The following PTPRQ variants were observed in gnomAD, a reference collection of about 807,000 sequenced individuals.
The protein encoded by PTPRQ is phosphatidylinositol phosphatase PTPRQ.
A neutral mutation model predicts 246.0 loss-of-function variants in PTPRQ; 199 were observed. The ratio of observed to expected loss-of-function variants is 0.81; its 90% CI spans 0.72 to 0.91. PTPRQ has a LOEUF of 0.91. Ranked by LOEUF, PTPRQ falls within the 40% of genes least tolerant of loss-of-function variation. The pLI, the probability that PTPRQ is intolerant of heterozygous loss-of-function variation, is 0.00. For synonymous variants in PTPRQ, 869 were observed against 853.2 expected, an observed-to-expected ratio of 1.02 and a Z score of -0.32; for missense variants, 2,624 against 2,528.4, an observed-to-expected ratio of 1.04 and a Z score of -0.81.
At chr12:80,673,368 G>A in intron 43 of PTPRQ, 64 bp downstream of exon 43, 1 of 1,511,450 alleles carries the variant, frequency 6.6e-7, no homozygotes, top group Non-Finnish European at 8.9e-7. Context: ...AGATCTTAGT[G>A]GCAGCAATCT....
At chr12:80,600,079 G>A (rs963537567) in intron 26 of PTPRQ, among the ~76,000 whole-genome samples, 57 of 151,774 alleles carry the variant, frequency 3.8e-4, no homozygotes, top group African/African-American at 1.3e-3. Context: ...TTTAAAAAAT[G>A]AAGAAAGAAG....
intron 26 of PTPRQ, among the ~76,000 whole-genome samples, chr12:80,597,686 T>A (rs1158027739): frequency 5.3e-5 from 8 of 151,946 alleles, no homozygotes; most frequent in African/African-American, 1.9e-4. Context: ...AAATGGCATG[T>A]CGACGTTATA....
chr12:80,527,570 A>G (rs1465326476), intron 17 of PTPRQ, among the ~76,000 whole-genome samples: 1 of 152,154 alleles, frequency 6.6e-6, no homozygotes, highest in Non-Finnish European at 1.5e-5. Context: ...TTAAAAATTT[A>G]CAAAAGAGAA....
At chr12:80,661,761 A>T (rs1330127900) in intron 39 of PTPRQ, among the ~76,000 whole-genome samples, 1 of 151,826 alleles carries the variant, frequency 6.6e-6, no homozygotes, top group Non-Finnish European at 1.5e-5. Flanking sequence ...CCTGTATAAT[A>T]TGGATAAACT....
chr12:80,505,876 A>T, intron 14 of PTPRQ, 148 bp from the exon 15 acceptor site: 1 of 949,816 alleles, frequency 1.1e-6, no homozygotes, highest in Non-Finnish European at 1.5e-6. Flanking sequence ...TAATTTATTT[A>T]TACTTTACTT....
intron 38 of PTPRQ, among the ~76,000 whole-genome samples, chr12:80,653,806 GA>G (rs1488557974): frequency 6.6e-6 from 1 of 152,090 alleles, no homozygotes; most frequent in Non-Finnish European, 1.5e-5. Context: ...GTTCACGAAG[GA>G]AACAAATGTA....
intron 39 of PTPRQ, among the ~76,000 whole-genome samples, chr12:80,665,658 T>C (rs944941783): frequency 6.6e-6 from 1 of 151,904 alleles, no homozygotes; most frequent in Non-Finnish European, 1.5e-5. Flanking sequence ...ACAGAATGAA[T>C]AGACAATCTG....
Position 80,649,645 on chromosome 12 carries a change from C to A in PTPRQ, c.6000C>A (p.Asn2000Lys). ...TTGAAGAGCTTTGCACAAACAACAACCTAAAGTTTCAAGAAGAATTTTCGG... is the reference window on the plus strand; with the variant it reads ...TTGAAGAGCTTTGCACAAACAACAAACTAAAGTTTCAAGAAGAATTTTCGG... Reference protein sequence around the residue: ...QHVEELCTNNNLKFQEEFSEL... With the variant: ...QHVEELCTNNKLKFQEEFSEL... The change falls in exon 37 of 45, where the codon AAC (asparagine) becomes AAA (lysine). Residue 2000 changes from asparagine (N) to lysine (K), a missense_variant. Coordinates refer to ENST00000644991, the MANE Select transcript of PTPRQ (RefSeq NM_001145026.2). 1 of 1,548,792 alleles carries A rather than the reference C, an allele frequency of 6.5e-7. No homozygotes were observed. Among genetic ancestry groups the A allele is most frequent in the Non-Finnish European group, 8.7e-7 (1 of 1,145,378 alleles).
chr12:80,448,765 A>G (rs1270007873), intron 3 of PTPRQ, among the ~76,000 whole-genome samples: 1 of 148,464 alleles, frequency 6.7e-6, no homozygotes, highest in East Asian at 1.9e-4. Context: ...TTCTTAATCC[A>G]GTCTATCATT....
At chr12:80,653,669 A>G (rs1900328471) in intron 38 of PTPRQ, among the ~76,000 whole-genome samples, 1 of 152,180 alleles carries the variant, frequency 6.6e-6, no homozygotes, top group Admixed American at 6.6e-5. Flanking sequence ...TAAAAATTGA[A>G]TTCTTCTTTC....
Position 80,520,695 on chromosome 12 carries a change from A to AT in PTPRQ, c.2678+10258dup, listed in dbSNP as rs751449528. On this transcript the variant is annotated intron_variant, in intron 17 of 44. Coordinates refer to ENST00000644991, the MANE Select transcript of PTPRQ (RefSeq NM_001145026.2). ...TCCCTACAAAGGACATGAATTCATCATTTTTTATGGCTGCATAGTATTCCG... is the reference window on the plus strand; with the variant it reads ...TCCCTACAAAGGACATGAATTCATCATTTTTTTATGGCTGCATAGTATTCCG... Among the ~76,000 whole-genome samples the AT allele has an allele frequency of 4.9e-4, 74 of 151,902 alleles. 2 individuals are homozygous for AT. The East Asian group carries it at 0.014, about 28-fold the overall frequency.
chr12:80,652,793 C>T lies in PTPRQ; in HGVS notation c.6074C>T (p.Pro2025Leu), dbSNP rs1900297215. The change falls in exon 38 of 45, where the codon CCT becomes CTT. Residue 2025 changes from proline (P) to leucine (L), a missense_variant. Pro to Leu is a moderately conservative substitution (Grantham distance 98). Transcript: ENST00000644991. ...CTTTCTTCAACTGATGCTGATCTGCCTTGGAATAGAGCAAAAAACCGCTTC... is the reference window on the plus strand; with the variant it reads ...CTTTCTTCAACTGATGCTGATCTGCTTTGGAATAGAGCAAAAAACCGCTTC... Reference protein sequence around the residue: ...QDLSSTDADLPWNRAKNRFPN... With the variant: ...QDLSSTDADLLWNRAKNRFPN... 1 of 1,514,582 alleles carries T rather than the reference C, an allele frequency of 6.6e-7. No homozygotes were observed. Among genetic ancestry groups the T allele is most frequent in the Non-Finnish European group, 8.8e-7 (1 of 1,131,836 alleles). The allele number at this position is 1,514,582 out of a possible 1,614,324, so 93.8% of individuals were successfully genotyped here.
At chr12:80,487,486 C>T (rs1402773797) in intron 9 of PTPRQ, among the ~76,000 whole-genome samples, 1 of 152,040 alleles carries the variant, frequency 6.6e-6, no homozygotes. Context: ...AATCTCTGAC[C>T]TCAAGGTCAT....
intron 35 of PTPRQ, among the ~76,000 whole-genome samples, chr12:80,648,151 A>C (rs995640866): frequency 6.6e-6 from 1 of 152,118 alleles, no homozygotes; most frequent in African/African-American, 2.4e-5. Context: ...GAATATAGTA[A>C]AATCCCTAAT....
At chr12:80,460,518 A>C (rs1565718766) in intron 5 of PTPRQ, 135 bp from the exon 6 acceptor site, 2 of 393,072 alleles carry the variant, frequency 5.1e-6, no homozygotes, top group Non-Finnish European at 9.0e-6. Context: ...AAATCTAGCA[A>C]ATTTGTCTAT....
chr12:80,647,132 T>C (rs1035177510), intron 35 of PTPRQ, among the ~76,000 whole-genome samples: 6 of 152,184 alleles, frequency 3.9e-5, no homozygotes, highest in African/African-American at 1.4e-4. Context: ...CAAATGATCC[T>C]CTAGGAAAAA....
At chr12:80,646,817 C>G (rs1180568046) in intron 35 of PTPRQ, among the ~76,000 whole-genome samples, 2 of 151,876 alleles carry the variant, frequency 1.3e-5, no homozygotes, top group Admixed American at 6.6e-5. Flanking sequence ...GAAACAGCAA[C>G]TTTTGGTAGA....
At chr12:80,547,653 A>G (rs1442822540) in intron 24 of PTPRQ, among the ~76,000 whole-genome samples, 3 of 152,162 alleles carry the variant, frequency 2.0e-5, no homozygotes, top group Non-Finnish European at 1.5e-5. Flanking sequence ...CCCATGACCT[A>G]CTAGTTGTAT....
intron 19 of PTPRQ, among the ~76,000 whole-genome samples, chr12:80,536,966 T>C (rs1183954220): frequency 6.6e-6 from 1 of 152,228 alleles, no homozygotes; most frequent in African/African-American, 2.4e-5. Context: ...ATCTAAATAA[T>C]ATAGCATAAG....
Sources: allele counts gnomAD v4.1 joint callset (sites outside exome capture counted in the v4.1 genomes callset), GRCh38; gene constraint gnomAD v4.1.1; transcripts MANE v1.5; gene names NCBI Gene and HGNC (gene_info 2026-07-23, HGNC 2026-07-21).